RBFOX2: variants seen among roughly 807,000 people sequenced by gnomAD.
RBFOX2 encodes the protein RNA binding fox-1 homolog 2, also known as RNA binding protein fox-1 homolog 2.
Under a neutral mutation model 49.1 loss-of-function variants are expected in RBFOX2, and 10 were observed. The observed-to-expected ratio is 0.20, with a 90% CI of 0.13 to 0.35. The LOEUF is 0.35. Among genes scored for constraint, RBFOX2 ranks in the 10% least tolerant of loss-of-function variants. The pLI is 1.00. For missense variants in RBFOX2, 323 were observed against 486.9 expected, an observed-to-expected ratio of 0.66 and a Z score of 3.17; for synonymous variants, 183 against 187.4, an observed-to-expected ratio of 0.98 and a Z score of 0.19.
intron 1 of RBFOX2, among the ~76,000 whole-genome samples, chr22:36,021,318 C>G (rs1477896207): frequency 6.6e-6 from 1 of 151,792 alleles, no homozygotes; most frequent in Non-Finnish European, 1.5e-5. Flanking sequence ...ATGGGTGCAG[C>G]CACACCAACA....
intron 1 of RBFOX2, among the ~76,000 whole-genome samples, chr22:35,948,986 C>T (rs924625530): frequency 7.2e-5 from 11 of 152,168 alleles, no homozygotes; most frequent in South Asian, 2.1e-4. Context: ...TGTCTCCCTC[C>T]GTCCACTGCC....
At chr22:35,878,647 C>T (rs1019742506) in intron 1 of RBFOX2, among the ~76,000 whole-genome samples, 3 of 152,210 alleles carry the variant, frequency 2.0e-5, no homozygotes, top group African/African-American at 4.8e-5. Context: ...CACTATGTTG[C>T]CCATGCTGGT....
intron 1 of RBFOX2, among the ~76,000 whole-genome samples, chr22:36,018,941 T>C (rs543548386): frequency 5.7e-4 from 86 of 152,212 alleles, no homozygotes; most frequent in Admixed American, 9.8e-4. Flanking sequence ...TAGATCACTG[T>C]GTTAGCAGTC....
chr22:35,894,874 C>A (rs553858878), intron 1 of RBFOX2, among the ~76,000 whole-genome samples: 4 of 150,776 alleles, frequency 2.7e-5, no homozygotes, highest in Admixed American at 2.6e-4. Flanking sequence ...TCCTGGACTG[C>A]AAAAAGGCAC....
In RBFOX2 at chr22:35,778,005, G is replaced by T; in HGVS notation, c.453+20C>A. On this transcript the variant is annotated intron_variant, in intron 4 of 11. Transcript: ENST00000405409. ...ACTCAAAAAGAAATCAAGCACACTT[G>T]ACACTGAAATGGAGCTTACCTTAGA... The T allele has an allele frequency of 1.3e-6, 2 of 1,593,864 alleles. No homozygotes were observed. Among genetic ancestry groups the T allele is most frequent in the South Asian group, 2.3e-5 (2 of 87,930 alleles).
intron 1 of RBFOX2, among the ~76,000 whole-genome samples, chr22:35,917,808 T>C (rs1466400484): frequency 2.0e-5 from 3 of 152,134 alleles, no homozygotes; most frequent in Non-Finnish European, 2.9e-5. Context: ...CAAATACACC[T>C]TAAAGCCTGC....
intron 1 of RBFOX2, chr22:35,897,852 C>T (rs903210607): frequency 3.4e-5 from 25 of 738,228 alleles, no homozygotes; most frequent in African/African-American, 2.9e-4. Flanking sequence ...CTCCAACAGC[C>T]TTCTTTCTCA....
At chr22:35,887,313 C>A (rs2046695645) in intron 1 of RBFOX2, among the ~76,000 whole-genome samples, 2 of 152,118 alleles carry the variant, frequency 1.3e-5, no homozygotes, top group African/African-American at 4.8e-5. Flanking sequence ...CATACCTGAA[C>A]AACTACAATG....
intron 1 of RBFOX2, among the ~76,000 whole-genome samples, chr22:35,855,317 C>T (rs1190841441): frequency 1.3e-5 from 2 of 152,138 alleles, no homozygotes; most frequent in Admixed American, 6.5e-5. Context: ...TATTAAAGTT[C>T]ATGTGTCCTG....
At chr22:36,020,880 G>A (rs1315432113) in intron 1 of RBFOX2, among the ~76,000 whole-genome samples, 3 of 152,140 alleles carry the variant, frequency 2.0e-5, no homozygotes, top group Non-Finnish European at 4.4e-5. Context: ...ATTTGACGCA[G>A]CCATCCCATT....
At chr22:35,874,064 G>A (rs527777426) in intron 1 of RBFOX2, among the ~76,000 whole-genome samples, 9 of 152,220 alleles carry the variant, frequency 5.9e-5, no homozygotes, top group Admixed American at 3.9e-4. Flanking sequence ...AAAAATACAC[G>A]ACTGTCATCT....
At chr22:35,869,461 C>T (rs1384133751) in intron 1 of RBFOX2, among the ~76,000 whole-genome samples, 1 of 110,396 alleles carries the variant, frequency 9.1e-6, no homozygotes. Flanking sequence ...ACCCAGCCAA[C>T]GGCTGACCAA....
upstream of RBFOX2, among the ~76,000 whole-genome samples, chr22:35,942,430 C>A (rs982698477): frequency 6.6e-6 from 1 of 151,722 alleles, no homozygotes; most frequent in Admixed American, 6.6e-5. Context: ...GAAGCATGTG[C>A]GAAGATTTTC....
intron 1 of RBFOX2, among the ~76,000 whole-genome samples, chr22:35,872,846 T>C (rs1319054210): frequency 6.6e-6 from 1 of 152,118 alleles, no homozygotes; most frequent in Non-Finnish European, 1.5e-5. Context: ...AGGATGGTCT[T>C]GAAAAATGCA....
exon 12 of RBFOX2, chr22:35,741,707 GA>G (rs1930040047): frequency 6.5e-6 from 1 of 152,780 alleles, no homozygotes; most frequent in Non-Finnish European, 1.5e-5. Context: ...CTTGCCTTTG[GA>G]GGCCTCAGCC....
intron 1 of RBFOX2, among the ~76,000 whole-genome samples, chr22:36,001,233 ACT>A (rs879722270): frequency 2.7e-4 from 28 of 104,264 alleles, no homozygotes; most frequent in African/African-American, 5.7e-4. Context: ...ACACACACAC[ACT>A]ATATGTATAT....
chr22:36,004,697 G>C (rs959962682), intron 1 of RBFOX2, among the ~76,000 whole-genome samples: 4 of 152,134 alleles, frequency 2.6e-5, no homozygotes, highest in Non-Finnish European at 5.9e-5. Flanking sequence ...TTGGGAGGCT[G>C]AGGCAGGAGA....
intron 1 of RBFOX2, among the ~76,000 whole-genome samples, chr22:36,011,491 AT>A (rs1298484813): frequency 4.6e-5 from 7 of 152,182 alleles, no homozygotes; most frequent in African/African-American, 9.6e-5. Context: ...ATAGAAAAAA[AT>A]ATATATACAT....
intron 2 of RBFOX2, among the ~76,000 whole-genome samples, chr22:35,796,811 G>A (rs957881788): frequency 2.0e-5 from 3 of 152,050 alleles, no homozygotes; most frequent in African/African-American, 4.8e-5. Context: ...CTATCATCAC[G>A]GATCTCATCA....
Sources: gnomAD v4.1 joint callset for allele counts (sites outside exome capture counted in the v4.1 genomes callset) on GRCh38, gnomAD v4.1.1 for gene constraint, MANE v1.5 for transcripts, NCBI Gene and HGNC (gene_info 2026-07-23, HGNC 2026-07-21) for gene names.